The following SGF29 variants were observed in gnomAD, a reference collection of about 807,000 sequenced individuals.
SGF29 encodes SAGA complex associated factor 29, also known as SAGA-associated factor 29.
SGF29 carries 15 observed loss-of-function variants against 38.1 expected under a neutral mutation model. The observed-to-expected ratio is 0.39, with a 90% CI of 0.26 to 0.61. SGF29 has a LOEUF of 0.61. SGF29 is among the 20% of genes least tolerant of loss of function. SGF29 has a pLI of 0.49. For synonymous variants in SGF29, 151 were observed against 160.8 expected, an observed-to-expected ratio of 0.94 and a Z score of 0.46; for missense variants, 184 against 394.6, an observed-to-expected ratio of 0.47 and a Z score of 4.52.
At chr16:28,581,424 G>A (rs529962370) in intron 2 of SGF29, among the ~76,000 whole-genome samples, 4 of 152,160 alleles carry the variant, frequency 2.6e-5, no homozygotes, top group African/African-American at 9.6e-5. Context: ...GTGGTTTTTC[G>A]CAGCTCACAA....
chr16:28,581,407 T>TA (rs577637633), intron 2 of SGF29, among the ~76,000 whole-genome samples: 2 of 152,188 alleles, frequency 1.3e-5, no homozygotes, highest in Non-Finnish European at 2.9e-5. Flanking sequence ...TTAAAGTGTA[T>TA]AATCCAGTGG....
At chr16:28,572,618 A>C (rs1326060325) in intron 1 of SGF29, among the ~76,000 whole-genome samples, 1 of 152,204 alleles carries the variant, frequency 6.6e-6, no homozygotes, top group Admixed American at 6.5e-5. Flanking sequence ...AGTTCTAGGA[A>C]GAATCAAGCA....
intron 2 of SGF29, among the ~76,000 whole-genome samples, chr16:28,584,403 C>G (rs2046943089): frequency 6.6e-6 from 1 of 151,856 alleles, no homozygotes. Flanking sequence ...GCCTGTAATT[C>G]CAGCACTTTG....
Position 28,567,912 on chromosome 16 carries a change from G to A in SGF29, c.-15-13143G>A, listed in dbSNP as rs2046843718. Among the ~76,000 whole-genome samples the A allele has an allele frequency of 2.0e-5, 3 of 152,164 alleles. 1 individual carries two copies. Among genetic ancestry groups the A allele is most frequent in the Admixed American group, 6.5e-5 (1 of 15,274 alleles). The stretch of plus-strand genomic sequence containing the variant: ...TTTATTTGGGCCAAGGTTGAGGACT[G>A]CAGCCTGGGACACACTTGTAAGTTG... On this transcript the variant is annotated intron_variant, in intron 1 of 9. Transcript: ENST00000317058.
At chr16:28,568,684 G>A (rs2046847842) in intron 1 of SGF29, among the ~76,000 whole-genome samples, 1 of 152,116 alleles carries the variant, frequency 6.6e-6, no homozygotes, top group African/African-American at 2.4e-5. Flanking sequence ...GGAGGCCGAG[G>A]GGGATGGATC....
intron 5 of SGF29, 91 bp downstream of exon 5, chr16:28,589,255 GCCA>G (rs1383294032): frequency 7.6e-7 from 1 of 1,314,094 alleles, no homozygotes. Context: ...GGGGCCTGTG[GCCA>G]CCACCTGCTG....
chr16:28,590,676 C>T lies in SGF29; in HGVS notation c.602+10C>T, dbSNP rs1567293947. 2 of 1,614,106 alleles carry T rather than the reference C, an allele frequency of 1.2e-6. No individual in the cohort carries two copies. The highest frequency in any genetic ancestry group is 1.7e-5 in the Admixed American group (1 of 60,018). ...ATGAAGAAGGCAAAGAGTGAGTGTCCAGGCCAGGGCAGGGCATGGAGCCTG... is the reference window on the plus strand; with the variant it reads ...ATGAAGAAGGCAAAGAGTGAGTGTCTAGGCCAGGGCAGGGCATGGAGCCTG... On this transcript the variant is annotated intron_variant, in intron 8 of 9. Coordinates refer to ENST00000317058, the MANE Select transcript of SGF29 (RefSeq NM_138414.3). This position sits in a 1 kb window ranked among gnomAD's most constrained non-coding sequence, Gnocchi z 8.2.
In SGF29 at chr16:28,566,524, C is replaced by T. The variant is rs187805370; in HGVS notation, c.-16+12427C>T. ...TTATGTGGGGCTGGGCGTGGCGGCT[C>T]ACATCTGTAATCCCAACACTTTTCA... On this transcript the variant is annotated intron_variant, in intron 1 of 9. Coordinates refer to ENST00000317058, the MANE Select transcript of SGF29 (RefSeq NM_138414.3). Among the ~76,000 whole-genome samples, 270 of 152,044 alleles carry T rather than the reference C, an allele frequency of 1.8e-3. 1 individual carries two copies. The highest frequency in any genetic ancestry group is 3.1e-3 in the Non-Finnish European group (211 of 67,984).
At chr16:28,566,918 C>T (rs1402798231) in intron 1 of SGF29, among the ~76,000 whole-genome samples, 3 of 152,102 alleles carry the variant, frequency 2.0e-5, no homozygotes, top group African/African-American at 7.2e-5. Flanking sequence ...GATCTATCTG[C>T]CTTGGCCTCC....
chr16:28,560,463 C>T (rs1417237303), intron 1 of SGF29, among the ~76,000 whole-genome samples: 3 of 151,322 alleles, frequency 2.0e-5, no homozygotes, highest in South Asian at 2.1e-4. Flanking sequence ...GTGGCGCACA[C>T]CTGTAATCCC....
chr16:28,590,167 A>T lies in SGF29; in HGVS notation c.361A>T (p.Thr121Ser). ...GACCATGCGCAGAGGGGTGCTGATG[A>T]CCCTGCTGCAGCAGTCGGCCATGAC... ...RKTMRRGVLM[T>S]LLQQSAMTLP... The change falls in exon 6 of 10, where the codon ACC becomes TCC. Residue 121 changes from threonine (T) to serine (S), a missense_variant. Physicochemically the swap from Thr to Ser is moderately conservative, Grantham distance 58. Transcript: ENST00000317058. This position sits in a 1 kb window ranked among gnomAD's most constrained non-coding sequence, Gnocchi z 8.2. The T allele has an allele frequency of 6.2e-7, 1 of 1,611,066 alleles. No homozygotes were observed. Among genetic ancestry groups the T allele is most frequent in the Non-Finnish European group, 8.5e-7 (1 of 1,178,978 alleles).
chr16:28,586,049 G>A (rs2046954511), intron 4 of SGF29, among the ~76,000 whole-genome samples: 1 of 152,218 alleles, frequency 6.6e-6, no homozygotes, highest in Non-Finnish European at 1.5e-5. Flanking sequence ...AGGTGATTGG[G>A]AGGCCGAGGT....
At chr16:28,559,797 G>C (rs2046774729) in intron 1 of SGF29, among the ~76,000 whole-genome samples, 1 of 152,192 alleles carries the variant, frequency 6.6e-6, no homozygotes, top group Non-Finnish European at 1.5e-5. Context: ...GCTTGCCTCA[G>C]GGAAGCTAGA....
intron 3 of SGF29, chr16:28,585,221 C>A: frequency 1.9e-6 from 1 of 539,488 alleles, no homozygotes; most frequent in Non-Finnish European, 3.3e-6. Context: ...GGGAAGCTTG[C>A]CCTTAGAGCA....
intron 1 of SGF29, among the ~76,000 whole-genome samples, chr16:28,568,285 C>T (rs1273277998): frequency 1.4e-5 from 2 of 141,600 alleles, no homozygotes; most frequent in Non-Finnish European, 3.0e-5. Flanking sequence ...TGCACTCTAG[C>T]CTGGGCAGCA....
chr16:28,580,993 G>T (rs2046921639), intron 1 of SGF29, 62 bp from the exon 2 acceptor site: 1 of 1,232,954 alleles, frequency 8.1e-7, no homozygotes, highest in Non-Finnish European at 1.2e-6. Flanking sequence ...CTTTTGAGGG[G>T]GCACAGTTCA....
intron 1 of SGF29, among the ~76,000 whole-genome samples, chr16:28,564,179 T>G (rs1374396172): frequency 3.3e-5 from 5 of 152,078 alleles, no homozygotes; most frequent in Non-Finnish European, 7.3e-5. Flanking sequence ...TGTGCAGCAA[T>G]GCTGTTAACC....
chr16:28,572,520 C>G (rs549267887), intron 1 of SGF29, among the ~76,000 whole-genome samples: 1 of 152,152 alleles, frequency 6.6e-6, no homozygotes, highest in Non-Finnish European at 1.5e-5. Flanking sequence ...CCGCCTGCCT[C>G]GGCTTCCCAA....
intron 1 of SGF29, among the ~76,000 whole-genome samples, chr16:28,568,222 A>C (rs752524424): frequency 1.2e-4 from 18 of 148,404 alleles, no homozygotes; most frequent in Admixed American, 4.8e-4. Flanking sequence ...CTGACGTAGG[A>C]GAATTGCTTG....
Sources: allele counts gnomAD v4.1 joint callset (sites outside exome capture counted in the v4.1 genomes callset), GRCh38; gene constraint gnomAD v4.1.1; non-coding constraint Gnocchi (gnomAD v3.1); transcripts MANE v1.5; gene names NCBI Gene and HGNC (gene_info 2026-07-23, HGNC 2026-07-21).